The following CAMK2A variants were observed in gnomAD, a reference collection of about 807,000 sequenced individuals.
The protein encoded by CAMK2A is calcium/calmodulin dependent protein kinase II alpha, also known as calcium/calmodulin-dependent protein kinase type II subunit alpha.
A neutral mutation model predicts 79.2 loss-of-function variants in CAMK2A; 7 were observed. That is an observed-to-expected ratio of 0.09 (90% CI 0.05 to 0.17). The LOEUF (loss-of-function observed/expected upper bound fraction) is 0.17, where lower values mean the gene tolerates loss of function less well. Ranked by LOEUF, CAMK2A falls within the 10% of genes least tolerant of loss-of-function variation. The pLI is 1.00. For missense variants in CAMK2A, 214 were observed against 646.4 expected (o/e 0.33, Z 7.25); for synonymous variants, 242 against 251.7 (o/e 0.96, Z 0.36).
At position 150,221,171 on chromosome 5, in the gene CAMK2A, T is replaced by A. The variant is rs1341502342; in HGVS notation, c.*1539A>T. The A allele has an allele frequency of 2.9e-6, 1 of 345,380 alleles. No homozygotes were observed. Among genetic ancestry groups the A allele is most frequent in the East Asian group, 4.3e-5 (1 of 23,060 alleles). 21.4% of individuals were successfully genotyped at this position (345,380 alleles called of 1,614,324 possible). On this transcript the variant is annotated 3_prime_UTR_variant, in exon 19 of 19. Coordinates refer to ENST00000671881, the MANE Select transcript of CAMK2A (RefSeq NM_015981.4). ...TAGATTGGTTTTGTTGAGTGTTTTC[T>A]TCTTTTTGTTTGTTTTCAACATACT...
Position 150,219,923 on chromosome 5 carries a change from C to T in CAMK2A, c.*2787G>A, listed in dbSNP as rs538157761. ...ATCTAAAGGATGTTTTGGAGGAGCACAGAGTTTGTCTGGTGAGGGTAGGCT... is the reference window on the plus strand; with the variant it reads ...ATCTAAAGGATGTTTTGGAGGAGCATAGAGTTTGTCTGGTGAGGGTAGGCT... On this transcript the variant is annotated 3_prime_UTR_variant, in exon 19 of 19. Coordinates refer to ENST00000671881, the MANE Select transcript of CAMK2A (RefSeq NM_015981.4). 4.6e-5 allele frequency: 7 copies of T among 152,450 alleles called. No homozygotes were observed. The highest frequency in any genetic ancestry group is 1.0e-4 in the Non-Finnish European group (7 of 67,996). 9.4% of individuals were successfully genotyped at this position (152,450 alleles called of 1,614,324 possible).
intron 13 of CAMK2A, among the ~76,000 whole-genome samples, chr5:150,242,011 G>T (rs1174504482): frequency 2.0e-5 from 3 of 152,216 alleles, no homozygotes; most frequent in East Asian, 1.9e-4. Flanking sequence ...GACTGCATCA[G>T]ATTCGGACGC....
At chr5:150,255,947 G>A (rs960824956) in intron 6 of CAMK2A, among the ~76,000 whole-genome samples, 1 of 152,216 alleles carries the variant, frequency 6.6e-6, no homozygotes, top group African/African-American at 2.4e-5. Flanking sequence ...AGGATCAGCA[G>A]CGGAGATCCA....
rs151101698 is a variant in CAMK2A at position 150,265,872 on chromosome 5, T to C, written c.158-857A>G. Among the ~76,000 whole-genome samples the C allele has an allele frequency of 3.7e-3, 551 of 149,378 alleles. 2 individuals carry two copies. Among genetic ancestry groups the C allele is most frequent in the African/African-American group, 0.013 (523 of 40,604 alleles). On this transcript the variant is annotated intron_variant, in intron 2 of 18. Transcript: ENST00000671881. ...CAGGAGAATTGCTTGAAGATGGAGG[T>C]TGGAGTGAGCTGAGATCACGCCACT...
chr5:150,273,902 A>G (rs749025767), intron 1 of CAMK2A, among the ~76,000 whole-genome samples: 6 of 152,316 alleles, frequency 3.9e-5, no homozygotes, highest in African/African-American at 9.6e-5. Flanking sequence ...TTAGAATTAT[A>G]TCTCCTATGT....
chr5:150,222,802 C>T (rs978615838), intron 18 of CAMK2A, 89 bp from the exon 19 acceptor site: 14 of 1,524,866 alleles, frequency 9.2e-6, no homozygotes, highest in Non-Finnish European at 1.2e-5. Context: ...GGAGTCCATG[C>T]GGTCCCTGGT....
At chr5:150,250,882 TGGCAGGGGAGCA>T (rs1755802731) in intron 9 of CAMK2A, 72 bp from the exon 10 acceptor site, 1 of 1,563,542 alleles carries the variant, frequency 6.4e-7, no homozygotes, top group South Asian at 1.2e-5. Flanking sequence ...AGCCCCTGAC[TGGCAGGGGAGCA>T]GGCAGGGGTC....
At chr5:150,250,894 A>G in intron 9 of CAMK2A, 84 bp from the exon 10 acceptor site, 1 of 1,510,450 alleles carries the variant, frequency 6.6e-7, no homozygotes, top group Non-Finnish European at 9.1e-7. Flanking sequence ...GCAGGGGAGC[A>G]GGCAGGGGTC....
At chr5:150,248,285 G>A (rs1468377925) in intron 11 of CAMK2A, among the ~76,000 whole-genome samples, 1 of 149,650 alleles carries the variant, frequency 6.7e-6, no homozygotes, top group African/African-American at 2.5e-5. Context: ...GAGAATCCCA[G>A]GAGGATTTTC....
chr5:150,285,324 G>T (rs372991790), intron 1 of CAMK2A, among the ~76,000 whole-genome samples: 3 of 152,198 alleles, frequency 2.0e-5, no homozygotes, highest in Non-Finnish European at 2.9e-5. Flanking sequence ...TGGATGAAAA[G>T]CCTTGCCGGC....
At chr5:150,225,840 G>C (rs1369918966) in intron 17 of CAMK2A, among the ~76,000 whole-genome samples, 1 of 152,160 alleles carries the variant, frequency 6.6e-6, no homozygotes, top group African/African-American at 2.4e-5. Flanking sequence ...TGCCTCCCAG[G>C]TTCAAGTGAT....
At chr5:150,280,108 G>A (rs1757145466) in intron 1 of CAMK2A, among the ~76,000 whole-genome samples, 1 of 152,172 alleles carries the variant, frequency 6.6e-6, no homozygotes, top group African/African-American at 2.4e-5. Context: ...CTCCCTTCTG[G>A]GGCTATTTGT....
intron 4 of CAMK2A, 21 bp downstream of exon 4, chr5:150,257,542 C>A: frequency 6.4e-7 from 1 of 1,559,068 alleles, no homozygotes. Context: ...TTGGCGCATC[C>A]CAGGGCGGGG....
intron 3 of CAMK2A, among the ~76,000 whole-genome samples, chr5:150,264,525 G>A (rs907868903): frequency 2.0e-5 from 3 of 152,350 alleles, no homozygotes; most frequent in Admixed American, 2.0e-4. Flanking sequence ...CTGTGGGCCA[G>A]GGCCTGAGTT....
intron 17 of CAMK2A, among the ~76,000 whole-genome samples, chr5:150,227,384 G>A (rs1409712322): frequency 6.6e-6 from 1 of 152,232 alleles, no homozygotes; most frequent in Non-Finnish European, 1.5e-5. Context: ...GCTGTTTTAA[G>A]TGGTGCCCAC....
intron 13 of CAMK2A, among the ~76,000 whole-genome samples, chr5:150,242,565 G>A (rs1170197380): frequency 1.3e-5 from 2 of 152,174 alleles, no homozygotes; most frequent in African/African-American, 2.4e-5. Flanking sequence ...ACAGTGAAAG[G>A]AGCCTGTGAT....
intron 9 of CAMK2A, among the ~76,000 whole-genome samples, chr5:150,251,178 T>C (rs1755816112): frequency 6.6e-6 from 1 of 152,240 alleles, no homozygotes; most frequent in Admixed American, 6.5e-5. Context: ...TCTCTAGAGA[T>C]GTTGTGAGAA....
intron 3 of CAMK2A, among the ~76,000 whole-genome samples, chr5:150,259,297 A>C (rs1562175832): frequency 6.6e-6 from 1 of 152,150 alleles, no homozygotes; most frequent in Admixed American, 6.5e-5. Flanking sequence ...AGGTGGGTGG[A>C]TCACTTGAGC....
chr5:150,270,030 T>C (rs953979295), intron 2 of CAMK2A, among the ~76,000 whole-genome samples: 3 of 152,168 alleles, frequency 2.0e-5, no homozygotes, highest in African/African-American at 7.2e-5. Flanking sequence ...CCCAGGCCAG[T>C]CACCTCTAGC....
Sources: gnomAD v4.1 joint callset for allele counts (sites outside exome capture counted in the v4.1 genomes callset) on GRCh38, gnomAD v4.1.1 for gene constraint, MANE v1.5 for transcripts, NCBI Gene and HGNC (gene_info 2026-07-23, HGNC 2026-07-21) for gene names.